The following HLCS variants were observed in gnomAD, a reference collection of about 807,000 sequenced individuals.
The protein encoded by HLCS is biotin--protein ligase.
A neutral mutation model predicts 75.0 loss-of-function variants in HLCS; 53 were observed. The ratio of observed to expected loss-of-function variants is 0.71; its 90% CI spans 0.57 to 0.89. The LOEUF (loss-of-function observed/expected upper bound fraction) is 0.89, where lower values mean the gene tolerates loss of function less well. HLCS is among the 40% of genes least tolerant of loss of function. The pLI is 0.00. For synonymous variants in HLCS, 431 were observed against 428.6 expected, an observed-to-expected ratio of 1.01 and a Z score of -0.07; for missense variants, 966 against 1,074.0, an observed-to-expected ratio of 0.90 and a Z score of 1.41.
At chr21:36,827,874 C>T (rs1330584339) in intron 6 of HLCS, among the ~76,000 whole-genome samples, 1 of 148,026 alleles carries the variant, frequency 6.8e-6, no homozygotes, top group Non-Finnish European at 1.5e-5. Context: ...AGTGCAGTGG[C>T]GTGATCTTGG....
intron 6 of HLCS, among the ~76,000 whole-genome samples, chr21:36,819,290 T>C (rs2061755217): frequency 6.6e-6 from 1 of 152,198 alleles, no homozygotes; most frequent in Non-Finnish European, 1.5e-5. Context: ...AGCAGAAGGG[T>C]TCCCCAGAGG....
chr21:36,816,733 C>A (rs973496035), intron 6 of HLCS, among the ~76,000 whole-genome samples: 1 of 152,116 alleles, frequency 6.6e-6, no homozygotes, highest in African/African-American at 2.4e-5. Context: ...ATCGGAAACG[C>A]TGACTTCAGG....
intron 6 of HLCS, among the ~76,000 whole-genome samples, chr21:36,833,894 T>C (rs1270981171): frequency 1.3e-5 from 2 of 152,170 alleles, no homozygotes; most frequent in Non-Finnish European, 2.9e-5. Context: ...ATGATTCTCC[T>C]TTACACAACT....
chr21:36,978,678 G>A (rs939302635), intron 1 of HLCS, among the ~76,000 whole-genome samples: 1 of 152,166 alleles, frequency 6.6e-6, no homozygotes, highest in Non-Finnish European at 1.5e-5. Flanking sequence ...GGGCAGAGAA[G>A]AGTGCGAAGC....
rs760766615 is a variant in HLCS, at chr21:36,937,136, C to A, written c.750G>T (p.Leu250=). The change falls in exon 4 of 11, where the codon CTG becomes CTT. Residue 250 remains leucine, a synonymous_variant. Transcript: ENST00000674895. ...GGPVEHYHLH[L]SSCHECLELE... is the part of the protein sequence containing the mutation. ...GTTCCAGACACTCGTGGCAACTAGA[C>A]AGATGGAGGTGATAATGCTCAACGG... The A allele has an allele frequency of 6.2e-7, 1 of 1,614,046 alleles. No individual in the cohort carries two copies. Among genetic ancestry groups the A allele is most frequent in the African/African-American group, 1.3e-5 (1 of 74,916 alleles).
chr21:36,855,581 A>G (rs934137627), intron 6 of HLCS, among the ~76,000 whole-genome samples: 3 of 151,664 alleles, frequency 2.0e-5, no homozygotes, highest in Admixed American at 1.3e-4. Flanking sequence ...GTGGCAGTAC[A>G]AAATGTTTGT....
rs544887662 is a variant in HLCS, at chr21:36,981,551, C to G, written c.-393+8607G>C. Among the ~76,000 whole-genome samples the G allele has an allele frequency of 3.3e-5, 5 of 152,152 alleles. No individual in the cohort carries two copies. The East Asian group carries it at 9.7e-4, about 29-fold the overall frequency. On this transcript the variant is annotated intron_variant, in intron 1 of 11. Coordinates refer to the HLCS transcript ENST00000336648. ...AAGTATTGGGATTACAGGCGCCCGC[C>G]ACCATGTCCAGATAATTTTTGTATT...
At chr21:36,817,240 G>A (rs1200496501) in intron 6 of HLCS, among the ~76,000 whole-genome samples, 1 of 152,038 alleles carries the variant, frequency 6.6e-6, no homozygotes, top group African/African-American at 2.4e-5. Flanking sequence ...CTTTTTACTC[G>A]CACTTGGAAT....
chr21:36,868,223 G>GAGAGAA (rs760900939), intron 6 of HLCS, among the ~76,000 whole-genome samples: 1 of 91,612 alleles, frequency 1.1e-5, no homozygotes, highest in African/African-American at 6.5e-5. Flanking sequence ...GGAAAAAAGA[G>GAGAGAA]AGAGAAAGAG....
chr21:36,767,567 A>G (rs1486262746), intron 6 of HLCS, among the ~76,000 whole-genome samples: 2 of 152,352 alleles, frequency 1.3e-5, no homozygotes, highest in East Asian at 3.9e-4. Context: ...TACTCCATTT[A>G]TTAAAGACTT....
intron 2 of HLCS, chr21:36,947,269 A>G: frequency 1.5e-5 from 12 of 774,362 alleles, no homozygotes; most frequent in Non-Finnish European, 1.9e-5. Flanking sequence ...GGACCGGAAG[A>G]GCCCAAAGAA....
intron 6 of HLCS, among the ~76,000 whole-genome samples, chr21:36,893,850 G>A (rs1404533787): frequency 6.6e-6 from 1 of 152,196 alleles, no homozygotes; most frequent in East Asian, 1.9e-4. Context: ...TATGAGATTC[G>A]TGGATTTGTT....
Position 36,938,789 on chromosome 21 carries a change from C to T in HLCS, c.493+43G>A, listed in dbSNP as rs372501305. 6 of 1,588,510 alleles carry T rather than the reference C, an allele frequency of 3.8e-6. No homozygotes were observed. In the African/African-American group the frequency reaches 6.7e-5, roughly 18 times the overall value. ...AAAGTGCTGGGATTACAGGCATGAG[C>T]CACTATGCCTGGCCAATAAAAACAT... On this transcript the variant is annotated intron_variant, in intron 3 of 10. Transcript: ENST00000674895.
chr21:36,756,161 G>A (rs530955703), intron 10 of HLCS, among the ~76,000 whole-genome samples: 21 of 152,136 alleles, frequency 1.4e-4, no homozygotes, highest in Admixed American at 1.0e-3. Context: ...AACTACGGCC[G>A]GGCGCGGTGG....
chr21:36,888,432 T>TAAAAAAAA (rs1191691491), intron 6 of HLCS, among the ~76,000 whole-genome samples: 8 of 23,778 alleles, frequency 3.4e-4, no homozygotes, highest in East Asian at 1.4e-3. Context: ...CCTTCCCATT[T>TAAAAAAAA]AAAAAAAAAA....
chr21:36,961,973 C>CAAAAAAAAAAA (rs1277457304), intron 2 of HLCS, 63 bp downstream of exon 2: 1 of 856,516 alleles, frequency 1.2e-6, no homozygotes. Context: ...AAAAAAAAAG[C>CAAAAAAAAAAA]AAATTTGGTT....
chr21:36,907,229 G>C lies in HLCS; in HGVS notation c.1621-10098C>G, dbSNP rs190595156. 4.6e-5 allele frequency among the ~76,000 whole-genome samples: 7 copies of C among 152,196 alleles called. No homozygotes were observed. In the East Asian group the frequency reaches 1.4e-3, roughly 29 times the overall value. The stretch of plus-strand genomic sequence containing the variant: ...TACAAACCTTCTAAAATAAAATACA[G>C]GAGAAAACCTTTCTGACTTTGGGTA... On this transcript the variant is annotated intron_variant, in intron 5 of 10. Transcript: ENST00000674895.
At chr21:36,929,053 G>A (rs1047405906) in intron 5 of HLCS, among the ~76,000 whole-genome samples, 3 of 152,194 alleles carry the variant, frequency 2.0e-5, no homozygotes, top group African/African-American at 7.2e-5. Flanking sequence ...GGGTATTTCA[G>A]GTTATACTCA....
chr21:36,939,805 G>A (rs1307194106), intron 2 of HLCS, among the ~76,000 whole-genome samples: 1 of 152,166 alleles, frequency 6.6e-6, no homozygotes, highest in African/African-American at 2.4e-5. Flanking sequence ...CCGAGTCAAA[G>A]GCAACTAATC....
Sources: gnomAD v4.1 joint callset for allele counts (sites outside exome capture counted in the v4.1 genomes callset) on GRCh38, gnomAD v4.1.1 for gene constraint, MANE v1.5 for transcripts, NCBI Gene and HGNC (gene_info 2026-07-23, HGNC 2026-07-21) for gene names.